IFT88: variants seen among roughly 807,000 people sequenced by gnomAD.
The protein encoded by IFT88 is intraflagellar transport 88.
In IFT88, 74 loss-of-function variants were observed where a neutral mutation model predicts 119.5. That is an observed-to-expected ratio of 0.62 (90% CI 0.51 to 0.75). The LOEUF (loss-of-function observed/expected upper bound fraction) is 0.75. Ranked by LOEUF, IFT88 falls within the 30% of genes least tolerant of loss-of-function variation. The pLI is 0.00. For synonymous variants in IFT88, 279 were observed against 316.7 expected (o/e 0.88, Z 1.26); for missense variants, 961 against 977.7 (o/e 0.98, Z 0.23).
chr13:20,640,581 A>C (rs994648793), intron 17 of IFT88, among the ~76,000 whole-genome samples: 1,447 of 85,446 alleles, frequency 0.017, 26 homozygotes, highest in African/African-American at 0.055. Context: ...AAAATAAATA[A>C]ATAAATAAAT....
chr13:20,604,325 A>G (rs1236599585), intron 12 of IFT88, among the ~76,000 whole-genome samples: 1 of 152,206 alleles, frequency 6.6e-6, no homozygotes, highest in Non-Finnish European at 1.5e-5. Flanking sequence ...TTATTTTCAT[A>G]TTGAGAAAAA....
intron 13 of IFT88, among the ~76,000 whole-genome samples, chr13:20,614,817 C>CTTTT (rs762297940): frequency 7.9e-6 from 1 of 125,846 alleles, no homozygotes; most frequent in African/African-American, 2.8e-5. Context: ...TATTTCTTTT[C>CTTTT]TTTTTTTTTT....
At chr13:20,586,234 T>C (rs945614213) in intron 3 of IFT88, among the ~76,000 whole-genome samples, 2 of 152,214 alleles carry the variant, frequency 1.3e-5, no homozygotes, top group African/African-American at 4.8e-5. Context: ...TTTCATCACA[T>C]CCTACTTGTT....
intron 13 of IFT88, chr13:20,612,054 A>G (rs1222082192): frequency 6.6e-6 from 1 of 152,226 alleles, no homozygotes; most frequent in Non-Finnish European, 1.5e-5. Flanking sequence ...GATCTTGTAC[A>G]TAGAAAATCC....
chr13:20,595,160 AG>A (rs2041420684), intron 7 of IFT88, among the ~76,000 whole-genome samples: 1 of 152,230 alleles, frequency 6.6e-6, no homozygotes, highest in Non-Finnish European at 1.5e-5. Flanking sequence ...ACTACTCAGG[AG>A]GCTGAGGCAG....
At chr13:20,663,090 A>G (rs2054090222) in intron 22 of IFT88, among the ~76,000 whole-genome samples, 1 of 152,256 alleles carries the variant, frequency 6.6e-6, no homozygotes, top group South Asian at 2.1e-4. Context: ...GAATTTACTG[A>G]CAGTAATAAC....
At chr13:20,659,562 T>C (rs1450729308) in intron 22 of IFT88, among the ~76,000 whole-genome samples, 1 of 152,182 alleles carries the variant, frequency 6.6e-6, no homozygotes, top group East Asian at 1.9e-4. Flanking sequence ...ATTATTAATA[T>C]AAATGTATAT....
At chr13:20,662,970 T>C (rs541906826) in intron 22 of IFT88, among the ~76,000 whole-genome samples, 41 of 152,362 alleles carry the variant, frequency 2.7e-4, no homozygotes, top group Non-Finnish European at 5.6e-4. Context: ...CTTTTTATTG[T>C]GATTATTTTG....
chr13:20,667,781 C>T (rs2054995592), intron 23 of IFT88, among the ~76,000 whole-genome samples: 1 of 151,982 alleles, frequency 6.6e-6, no homozygotes, highest in South Asian at 2.1e-4. Context: ...AGAAAGTTTC[C>T]CCCAAGCTGT....
chr13:20,608,572 G>T (rs996492484), intron 13 of IFT88, among the ~76,000 whole-genome samples: 18 of 152,188 alleles, frequency 1.2e-4, no homozygotes, highest in Non-Finnish European at 5.9e-5. Context: ...CCATGGGCTG[G>T]CAGTGGGGGT....
chr13:20,612,807 A>G (rs1425356284), intron 13 of IFT88, among the ~76,000 whole-genome samples: 1 of 152,244 alleles, frequency 6.6e-6, no homozygotes, highest in Non-Finnish European at 1.5e-5. Context: ...TCTTACGTTT[A>G]TAGCCAGTGG....
intron 13 of IFT88, among the ~76,000 whole-genome samples, chr13:20,611,842 G>A (rs896606363): frequency 3.3e-5 from 5 of 152,090 alleles, no homozygotes; most frequent in African/African-American, 1.2e-4. Flanking sequence ...CTGACCTCAG[G>A]TGATCCACCC....
At chr13:20,575,631 A>G (rs1199820845) in intron 2 of IFT88, among the ~76,000 whole-genome samples, 1 of 152,146 alleles carries the variant, frequency 6.6e-6, no homozygotes, top group Non-Finnish European at 1.5e-5. Context: ...GCCTTCTGTC[A>G]TGAGTGAAAG....
At chr13:20,589,976 T>TTTCTA (rs2040381436) in intron 4 of IFT88, 109 bp downstream of exon 4, 2 of 562,606 alleles carry the variant, frequency 3.6e-6, no homozygotes, top group South Asian at 6.2e-5. Flanking sequence ...CCAAATATAT[T>TTTCTA]TTCTATTTTG....
intron 1 of IFT88, chr13:20,567,772 T>G (rs1204102657): frequency 7.4e-7 from 1 of 1,345,816 alleles, no homozygotes; most frequent in Non-Finnish European, 9.6e-7. Flanking sequence ...ATGGAAACAT[T>G]CCAAAAACGT....
At chr13:20,657,926 C>T (rs2053126414) in intron 22 of IFT88, among the ~76,000 whole-genome samples, 1 of 152,100 alleles carries the variant, frequency 6.6e-6, no homozygotes, top group Admixed American at 6.5e-5. Flanking sequence ...ATATATTTCT[C>T]CATTTGGCTT....
chr13:20,573,158 A>C (rs1445500170), intron 1 of IFT88, among the ~76,000 whole-genome samples: 1 of 152,192 alleles, frequency 6.6e-6, no homozygotes, highest in Non-Finnish European at 1.5e-5. Context: ...CTAAGTAATC[A>C]TGTCTTGAAA....
intron 8 of IFT88, among the ~76,000 whole-genome samples, chr13:20,596,600 C>G (rs899144882): frequency 6.6e-6 from 1 of 152,200 alleles, no homozygotes; most frequent in Non-Finnish European, 1.5e-5. Flanking sequence ...CTTGAAGTCT[C>G]TCTACTATCA....
In IFT88 at chr13:20,620,934, A is replaced by G. The variant is rs368371576; in HGVS notation, c.1200-4816A>G. Among the ~76,000 whole-genome samples the G allele has an allele frequency of 7.1e-4, 108 of 152,324 alleles. 2 individuals are homozygous for G. In the South Asian group the frequency reaches 0.021, roughly 29 times the overall value. ...GGACACAGCAAAAAGACAGCATTCT[A>G]TGAAGCAGGAAGTGGTCACTCACCA... is the stretch of plus-strand genomic sequence containing the variant. On this transcript the variant is annotated intron_variant, in intron 14 of 25. Coordinates refer to ENST00000351808, the MANE Select transcript of IFT88 (RefSeq NM_006531.5).
Sources: gnomAD v4.1 joint callset for allele counts (sites outside exome capture counted in the v4.1 genomes callset) on GRCh38, gnomAD v4.1.1 for gene constraint, MANE v1.5 for transcripts, NCBI Gene and HGNC (gene_info 2026-07-23, HGNC 2026-07-21) for gene names.